The following XRRA1 variants were observed in gnomAD, a reference collection of about 807,000 sequenced individuals.
XRRA1 encodes the protein X-ray radiation resistance associated 1.
Under a neutral mutation model 80.2 loss-of-function variants are expected in XRRA1, and 69 were observed. The observed-to-expected ratio is 0.86, with a 90% CI of 0.71 to 1.05. The LOEUF is 1.05. Ranked by LOEUF, XRRA1 falls within the 50% of genes least tolerant of loss-of-function variation. The probability of loss-of-function intolerance (pLI) is 0.00; values close to 1 mark genes in which losing one functional copy is unlikely to be tolerated. For synonymous variants in XRRA1, 348 were observed against 389.9 expected, an observed-to-expected ratio of 0.89 and a Z score of 1.27; for missense variants, 967 against 976.4, an observed-to-expected ratio of 0.99 and a Z score of 0.13.
At chr11:74,906,172 G>T in intron 10 of XRRA1, 67 bp downstream of exon 10, 1 of 1,439,752 alleles carries the variant, frequency 6.9e-7, no homozygotes, top group Non-Finnish European at 9.6e-7. Context: ...GAGACTTTCA[G>T]AATAAACTCT....
intron 4 of XRRA1, 60 bp from the exon 5 acceptor site, chr11:74,933,932 A>G: frequency 1.4e-6 from 2 of 1,453,850 alleles, no homozygotes; most frequent in Non-Finnish European, 1.9e-6. Context: ...TTAATCTATT[A>G]CCACTCAGCC....
chr11:74,894,691 G>A (rs1283417092), intron 10 of XRRA1, among the ~76,000 whole-genome samples: 1 of 152,076 alleles, frequency 6.6e-6, no homozygotes, highest in Non-Finnish European at 1.5e-5. Context: ...CACTGGGTGG[G>A]GATTATGGGG....
chr11:74,846,966 T>C (rs1004393597), intron 15 of XRRA1, among the ~76,000 whole-genome samples: 5 of 152,166 alleles, frequency 3.3e-5, no homozygotes, highest in Non-Finnish European at 7.4e-5. Context: ...ATTGATTGTA[T>C]TGCTTTGGCC....
In XRRA1 at chr11:74,927,337, C is replaced by T. The variant is rs1415469081; in HGVS notation, c.522+54G>A. ...GTTATAATCAGTAAAGCTCTATGCT[C>T]ATTCCTTACAGGGGAACTTGGTGGG... On this transcript the variant is annotated intron_variant, in intron 7 of 18. Coordinates refer to ENST00000684022, the MANE Select transcript of XRRA1 (RefSeq NM_001378157.1). 10 of 913,224 alleles carry T rather than the reference C, an allele frequency of 1.1e-5. No individual in the cohort carries two copies. In the Admixed American group the frequency reaches 1.8e-4, roughly 16 times the overall value. The allele number at this position is 913,224 out of a possible 1,614,324, so 56.6% of individuals were successfully genotyped here.
intron 10 of XRRA1, among the ~76,000 whole-genome samples, chr11:74,873,377 C>G (rs189103798): frequency 6.6e-6 from 1 of 152,172 alleles, no homozygotes; most frequent in Non-Finnish European, 1.5e-5. Flanking sequence ...GTCCCTAATC[C>G]CTATACTTTG....
chr11:74,941,394 G>C (rs185361181), intron 2 of XRRA1, among the ~76,000 whole-genome samples: 150 of 152,304 alleles, frequency 9.8e-4, no homozygotes, highest in South Asian at 7.7e-3. Flanking sequence ...ACTTGAACTG[G>C]ATAAATAGTA....
intron 5 of XRRA1, 25 bp downstream of exon 5, chr11:74,933,776 T>C: frequency 1.3e-6 from 2 of 1,567,104 alleles, no homozygotes; most frequent in Non-Finnish European, 8.7e-7. Context: ...CTCACCCCAA[T>C]CACATCTTTG....
In XRRA1 at chr11:74,845,127, C is replaced by T. The variant is rs1044651665; in HGVS notation, c.1873G>A (p.Gly625Ser). Reference protein sequence around the residue: ...PTAFLPSKYHGYEELLTAKPD... With the variant: ...PTAFLPSKYHSYEELLTAKPD... Reference sequence around the variant, plus strand: ...TTGGCTGTCAGCAGTTCTTCATAGCCGTGGTACTTGCTGGGAAGGAAGGCA... The same window carrying T: ...TTGGCTGTCAGCAGTTCTTCATAGCTGTGGTACTTGCTGGGAAGGAAGGCA... Residue 625 changes from glycine to serine, a missense_variant, in exon 16 of 19, where the codon GGC becomes AGC. Coordinates refer to ENST00000684022, the MANE Select transcript of XRRA1 (RefSeq NM_001378157.1). The T allele has an allele frequency of 8.1e-6, 13 of 1,613,908 alleles. No individual in the cohort carries two copies. The highest frequency in any genetic ancestry group is 5.3e-5 in the African/African-American group (4 of 74,948).
At chr11:74,880,391 G>T (rs935700302) in intron 10 of XRRA1, among the ~76,000 whole-genome samples, 1 of 151,422 alleles carries the variant, frequency 6.6e-6, no homozygotes, top group African/African-American at 2.4e-5. Flanking sequence ...TATCAATTTT[G>T]TTGATCCTTT....
At chr11:74,936,724 T>G (rs532258786) in intron 4 of XRRA1, among the ~76,000 whole-genome samples, 160 bp downstream of exon 4, 1 of 152,342 alleles carries the variant, frequency 6.6e-6, no homozygotes, top group Non-Finnish European at 1.5e-5. Context: ...CAAGAAACTT[T>G]TGGGTCCCTT....
Position 74,852,090 on chromosome 11 carries a change from G to A in XRRA1, c.1171-8C>T, listed in dbSNP as rs1459952451. 1 of 1,611,976 alleles carries A rather than the reference G, an allele frequency of 6.2e-7. No homozygotes were observed. On this transcript the variant is annotated splice_region_variant and splice_polypyrimidine_tract_variant and intron_variant, in intron 12 of 18. Transcript: ENST00000684022. The stretch of plus-strand genomic sequence containing the variant: ...AGCATCCTCTTTTGCGATCTGTAAT[G>A]AATGCAGGAGAGACTCTCAGGTTGA...
intron 10 of XRRA1, among the ~76,000 whole-genome samples, chr11:74,877,858 A>G (rs1287492472): frequency 5.3e-5 from 8 of 152,082 alleles, no homozygotes; most frequent in East Asian, 1.9e-4. Flanking sequence ...AATCCAGTCT[A>G]TCATTGTTGG....
At chr11:74,861,375 G>C (rs1464943030) in intron 11 of XRRA1, among the ~76,000 whole-genome samples, 1 of 152,172 alleles carries the variant, frequency 6.6e-6, no homozygotes, top group Non-Finnish European at 1.5e-5. Flanking sequence ...CCTCCTGTCG[G>C]ATCAGCAGTG....
chr11:74,924,201 C>T (rs1283991788), intron 7 of XRRA1, among the ~76,000 whole-genome samples: 4 of 150,202 alleles, frequency 2.7e-5, no homozygotes, highest in East Asian at 2.0e-4. Flanking sequence ...GTGGGCCGGG[C>T]GCGGTGGCTC....
chr11:74,885,656 A>G (rs2048846173), intron 10 of XRRA1, among the ~76,000 whole-genome samples: 1 of 152,214 alleles, frequency 6.6e-6, no homozygotes, highest in South Asian at 2.1e-4. Flanking sequence ...AACTGGTACC[A>G]TTCCTATTGA....
intron 3 of XRRA1, among the ~76,000 whole-genome samples, chr11:74,938,977 C>T (rs1475882934): frequency 6.6e-6 from 1 of 152,220 alleles, no homozygotes; most frequent in Non-Finnish European, 1.5e-5. Context: ...TTCTTACCTA[C>T]AAAAATTATT....
Position 74,852,102 on chromosome 11 carries a change from G to C in XRRA1, c.1171-20C>G. 6.2e-7 allele frequency: 1 copy of C among 1,606,398 alleles called. No homozygotes were observed. Among genetic ancestry groups the C allele is most frequent in the Non-Finnish European group, 8.5e-7 (1 of 1,173,028 alleles). ...TGCGATCTGTAATGAATGCAGGAGAGACTCTCAGGTTGACACCACCCCTCA... is the reference window on the plus strand; with the variant it reads ...TGCGATCTGTAATGAATGCAGGAGACACTCTCAGGTTGACACCACCCCTCA... On this transcript the variant is annotated intron_variant, in intron 12 of 18. Coordinates refer to ENST00000684022, the MANE Select transcript of XRRA1 (RefSeq NM_001378157.1).
At chr11:74,882,672 G>A (rs1202401879) in intron 10 of XRRA1, among the ~76,000 whole-genome samples, 1 of 151,876 alleles carries the variant, frequency 6.6e-6, no homozygotes, top group East Asian at 1.9e-4. Context: ...TGATGGTGAT[G>A]TACAGATGGG....
chr11:74,906,966 A>ATT, intron 9 of XRRA1, 179 bp downstream of exon 9: 1 of 769,524 alleles, frequency 1.3e-6, no homozygotes, highest in Non-Finnish European at 2.0e-6. Context: ...ACTCATGGCC[A>ATT]TTTTTATGGA....
Sources: allele counts gnomAD v4.1 joint callset (sites outside exome capture counted in the v4.1 genomes callset), GRCh38; gene constraint gnomAD v4.1.1; transcripts MANE v1.5; gene names NCBI Gene and HGNC (gene_info 2026-07-23, HGNC 2026-07-21).